CPNE4: variants seen among roughly 807,000 people sequenced by gnomAD.
CPNE4 encodes the protein copine-4.
A neutral mutation model predicts 67.9 loss-of-function variants in CPNE4; 25 were observed. That is an observed-to-expected ratio of 0.37 (90% confidence interval 0.27 to 0.51). The LOEUF is 0.51. Among genes scored for constraint, CPNE4 ranks in the 20% least tolerant of loss-of-function variants. CPNE4 has a pLI of 0.93. For synonymous variants in CPNE4, 242 were observed against 244.9 expected (o/e 0.99, Z 0.11); for missense variants, 464 against 690.8 (o/e 0.67, Z 3.68).
chr3:131,800,992 G>A (rs1054921345), intron 2 of CPNE4, among the ~76,000 whole-genome samples: 1 of 152,176 alleles, frequency 6.6e-6, no homozygotes, highest in East Asian at 1.9e-4. Context: ...TCCCATATGG[G>A]TTGTAAAGAA....
intron 1 of CPNE4, among the ~76,000 whole-genome samples, chr3:131,967,414 G>A (rs977802051): frequency 3.9e-5 from 6 of 152,158 alleles, no homozygotes; most frequent in African/African-American, 1.4e-4. Flanking sequence ...ATTTAAATAG[G>A]AAGAAAGGAA....
chr3:131,819,443 T>C (rs755206278), intron 2 of CPNE4, among the ~76,000 whole-genome samples: 24 of 151,760 alleles, frequency 1.6e-4, no homozygotes, highest in South Asian at 4.2e-4. Flanking sequence ...TTCCCCAGTA[T>C]GCATTTTACA....
At chr3:131,855,712 GTA>G (rs1420685989) in intron 2 of CPNE4, among the ~76,000 whole-genome samples, 1 of 151,852 alleles carries the variant, frequency 6.6e-6, no homozygotes, top group Non-Finnish European at 1.5e-5. Context: ...GGGTGTGTGT[GTA>G]TGTGTGTGTG....
At chr3:131,778,756 A>G (rs1048029976) in intron 2 of CPNE4, among the ~76,000 whole-genome samples, 1 of 152,096 alleles carries the variant, frequency 6.6e-6, no homozygotes, top group Non-Finnish European at 1.5e-5. Flanking sequence ...CCAGGGGGAT[A>G]GGCTCGCAGT....
intron 1 of CPNE4, among the ~76,000 whole-genome samples, chr3:131,957,979 A>C (rs1454084216): frequency 6.6e-6 from 1 of 152,210 alleles, no homozygotes; most frequent in African/African-American, 2.4e-5. Context: ...TTGTGGAAGA[A>C]GGAGTTAAAG....
chr3:131,951,796 C>T (rs1179280145), intron 1 of CPNE4, among the ~76,000 whole-genome samples: 3 of 152,192 alleles, frequency 2.0e-5, no homozygotes, highest in African/African-American at 4.8e-5. Flanking sequence ...AGCTCCTAAC[C>T]GCGAGTGATC....
At chr3:131,630,745 A>G (rs1416387176) in intron 7 of CPNE4, among the ~76,000 whole-genome samples, 3 of 152,252 alleles carry the variant, frequency 2.0e-5, no homozygotes, top group Non-Finnish European at 4.4e-5. Context: ...GGACAGACTG[A>G]CCAATAGCAA....
At chr3:131,962,976 G>T (rs1414869178) in intron 1 of CPNE4, among the ~76,000 whole-genome samples, 6 of 152,146 alleles carry the variant, frequency 3.9e-5, no homozygotes, top group Admixed American at 6.5e-5. Context: ...GGTCAAATAG[G>T]AACAGTTCCG....
chr3:131,668,992 T>C (rs1265130087), intron 7 of CPNE4, among the ~76,000 whole-genome samples: 2 of 152,156 alleles, frequency 1.3e-5, no homozygotes, highest in Admixed American at 1.3e-4. Context: ...TGACCTAGAC[T>C]GTGGAGGAAG....
chr3:131,539,050 G>C (rs1935333426), intron 15 of CPNE4: 1 of 152,186 alleles, frequency 6.6e-6, no homozygotes, highest in East Asian at 1.9e-4. Flanking sequence ...GAAAAAGAGA[G>C]GCAATTCATG....
intron 1 of CPNE4, among the ~76,000 whole-genome samples, chr3:131,972,522 C>A (rs560103662): frequency 6.6e-6 from 1 of 152,154 alleles, no homozygotes; most frequent in African/African-American, 2.4e-5. Flanking sequence ...AAACATCGGG[C>A]CCCCAAGGAA....
At chr3:132,037,544 C>T, upstream of CPNE4, 1 of 1,533,924 alleles carries the variant, frequency 6.5e-7, no homozygotes, top group Non-Finnish European at 8.7e-7. Flanking sequence ...ATCCCCTTGT[C>T]TCTATCACTC....
intron 2 of CPNE4, among the ~76,000 whole-genome samples, chr3:131,859,018 C>T (rs577063548): frequency 1.2e-4 from 18 of 152,198 alleles, no homozygotes; most frequent in African/African-American, 3.9e-4. Flanking sequence ...CACTGTCTAA[C>T]GAAGCTAGTG....
At chr3:131,634,804 C>T (rs995840) in intron 7 of CPNE4, among the ~76,000 whole-genome samples, 44,164 of 152,068 alleles carry the variant, frequency 0.29, 9,956 homozygotes, top group African/African-American at 0.63. Context: ...GGTCTTATGT[C>T]ACTACTTCAT....
At chr3:131,976,879 G>A (rs1243223184) in intron 1 of CPNE4, among the ~76,000 whole-genome samples, 1 of 151,096 alleles carries the variant, frequency 6.6e-6, no homozygotes, top group Non-Finnish European at 1.5e-5. Flanking sequence ...TTGGCTCATT[G>A]CAATCTCTGC....
intron 7 of CPNE4, among the ~76,000 whole-genome samples, chr3:131,654,998 A>G (rs2079915251): frequency 6.6e-6 from 1 of 152,368 alleles, no homozygotes; most frequent in African/African-American, 2.4e-5. Context: ...ACTCTGGGAA[A>G]GAGTCTTTGA....
intron 1 of CPNE4, among the ~76,000 whole-genome samples, chr3:132,007,806 G>T (rs1381906093): frequency 1.3e-5 from 2 of 152,080 alleles, no homozygotes; most frequent in Non-Finnish European, 2.9e-5. Context: ...ACAGTCACTT[G>T]CTCATGTGTC....
At chr3:132,017,647 GCAC>G (rs2073913996) in intron 1 of CPNE4, 1 of 152,286 alleles carries the variant, frequency 6.6e-6, no homozygotes, top group Non-Finnish European at 1.5e-5. Context: ...TGAAAGTACA[GCAC>G]CACCGATCCT....
Position 131,669,660 on chromosome 3 carries a change from A to C in CPNE4, c.681+15T>G, listed in dbSNP as rs199736793. On this transcript the variant is annotated intron_variant, in intron 7 of 15. Coordinates refer to ENST00000429747, the MANE Select transcript of CPNE4 (RefSeq NM_130808.3). ...TTTTTTAAAAAATCACATTTCTTGG[A>C]CACAGATTTCTGACCTTTAGCCGGC... 1 of 1,574,178 alleles carries C rather than the reference A, an allele frequency of 6.4e-7. No individual in the cohort carries two copies. The highest frequency in any genetic ancestry group is 8.7e-7 in the Non-Finnish European group (1 of 1,153,432).
Sources: gnomAD v4.1 joint callset for allele counts (sites outside exome capture counted in the v4.1 genomes callset) on GRCh38, gnomAD v4.1.1 for gene constraint, MANE v1.5 for transcripts, NCBI Gene and HGNC (gene_info 2026-07-23, HGNC 2026-07-21) for gene names.